Variants in LARS2 observed in about 807,000 individuals in gnomAD.
LARS2 encodes the protein leucyl-tRNA synthetase 2, mitochondrial.
In LARS2, 81 loss-of-function variants were observed where a neutral mutation model predicts 116.6. The observed-to-expected ratio is 0.69, with a 90% confidence interval of 0.58 to 0.84. LARS2 has a LOEUF of 0.84. Among genes scored for constraint, LARS2 ranks in the 40% least tolerant of loss-of-function variants. LARS2 has a pLI of 0.00. For missense variants in LARS2, 968 were observed against 1,114.5 expected (o/e 0.87, Z 1.87); for synonymous variants, 396 against 407.2 (o/e 0.97, Z 0.33).
intron 16 of LARS2, 25 bp downstream of exon 16, chr3:45,513,260 T>C: frequency 6.9e-7 from 1 of 1,456,530 alleles, no homozygotes. Flanking sequence ...TCTGGTCCCA[T>C]CCAGGTACTC....
intron 6 of LARS2, among the ~76,000 whole-genome samples, chr3:45,444,004 C>CTTT (rs11409535): frequency 1.4e-4 from 18 of 133,238 alleles, no homozygotes; most frequent in Non-Finnish European, 1.6e-4. Flanking sequence ...GATCTATCCT[C>CTTT]TTTTTTTTTT....
At chr3:45,524,549 T>C (rs1004233325) in intron 20 of LARS2, among the ~76,000 whole-genome samples, 1 of 152,226 alleles carries the variant, frequency 6.6e-6, no homozygotes, top group Non-Finnish European at 1.5e-5. Context: ...CCTGACTGCC[T>C]GCTTGAATTT....
At chr3:45,528,368 T>C (rs1423046756) in intron 20 of LARS2, among the ~76,000 whole-genome samples, 1 of 152,204 alleles carries the variant, frequency 6.6e-6, no homozygotes, top group Non-Finnish European at 1.5e-5. Flanking sequence ...ATGATTGTGT[T>C]CACTTACCTA....
intron 9 of LARS2, 96 bp downstream of exon 9, chr3:45,474,446 A>G: frequency 1.5e-6 from 1 of 660,864 alleles, no homozygotes; most frequent in East Asian, 2.7e-5. Context: ...ACTCCACAGC[A>G]CCACAGTCCA....
At position 45,544,304 on chromosome 3, in the gene LARS2, G is replaced by A. The variant is rs193096559; in HGVS notation, c.2532+2348G>A. Among the ~76,000 whole-genome samples the A allele has an allele frequency of 1.1e-3, 160 of 152,338 alleles. 1 individual carries two copies. The highest frequency in any genetic ancestry group is 3.5e-3 in the African/African-American group (145 of 41,568). Reference sequence around the variant, plus strand: ...TCACACACAGTTTATGTAAGGGCTCGGAAGTCAGGCCATCCTGGGTATAAG... The same window carrying A: ...TCACACACAGTTTATGTAAGGGCTCAGAAGTCAGGCCATCCTGGGTATAAG... On this transcript the variant is annotated intron_variant, in intron 21 of 21. Coordinates refer to ENST00000645846, the MANE Select transcript of LARS2 (RefSeq NM_015340.4).
rs138674108 is a variant in LARS2, at chr3:45,409,890, T to C, written c.364-7592T>C. On this transcript the variant is annotated intron_variant, in intron 4 of 21. Transcript: ENST00000645846. ...AAGAATCTGAAATATTAAGAAACTT[T>C]GAGATTTTTCTAACTTTATTTTCAT... 3.9e-5 allele frequency among the ~76,000 whole-genome samples: 6 copies of C among 152,372 alleles called. No homozygotes were observed. The East Asian group carries it at 9.6e-4, about 24-fold the overall frequency.
At chr3:45,435,364 C>T (rs961938870) in intron 6 of LARS2, among the ~76,000 whole-genome samples, 3 of 152,188 alleles carry the variant, frequency 2.0e-5, no homozygotes, top group Admixed American at 6.5e-5. Flanking sequence ...TCCTGTGACA[C>T]CACCCTGGTA....
chr3:45,438,901 A>G (rs1698854492), intron 6 of LARS2, among the ~76,000 whole-genome samples: 2 of 152,098 alleles, frequency 1.3e-5, no homozygotes, highest in Non-Finnish European at 2.9e-5. Flanking sequence ...TGGGAAGCCT[A>G]GAGCTGGATC....
chr3:45,471,645 A>C (rs899380916), intron 8 of LARS2, among the ~76,000 whole-genome samples: 5 of 152,232 alleles, frequency 3.3e-5, no homozygotes, highest in African/African-American at 9.6e-5. Flanking sequence ...TTTTCAGATC[A>C]TGTAATGTGG....
At chr3:45,490,814 A>C (rs1473716161) in intron 12 of LARS2, among the ~76,000 whole-genome samples, 1 of 152,202 alleles carries the variant, frequency 6.6e-6, no homozygotes, top group Non-Finnish European at 1.5e-5. Flanking sequence ...GGCTCAATTC[A>C]TATAATTAGT....
chr3:45,420,576 A>T (rs752071566), intron 6 of LARS2, among the ~76,000 whole-genome samples: 2 of 152,204 alleles, frequency 1.3e-5, no homozygotes, highest in African/African-American at 4.8e-5. Context: ...TTGAAATTTG[A>T]TGAGTACAGT....
intron 15 of LARS2, among the ~76,000 whole-genome samples, chr3:45,510,652 G>A (rs1034266886): frequency 6.6e-6 from 1 of 152,216 alleles, no homozygotes; most frequent in Admixed American, 6.5e-5. Flanking sequence ...AATGGCGTGA[G>A]TAAAGACGTG....
At position 45,436,447 on chromosome 3, in the gene LARS2, T is replaced by C. The variant is rs142592521; in HGVS notation, c.517-10444T>C. ...ATAACAAATTGCAACTCAAACCAAT[T>C]AATCTCATCTGTAGTTTAATGGAGG... On this transcript the variant is annotated intron_variant, in intron 6 of 21. Coordinates refer to ENST00000645846, the MANE Select transcript of LARS2 (RefSeq NM_015340.4). Among the ~76,000 whole-genome samples the C allele has an allele frequency of 1.4e-3, 215 of 152,246 alleles. 2 individuals carry two copies. The highest frequency in any genetic ancestry group is 4.7e-3 in the African/African-American group (195 of 41,552).
intron 4 of LARS2, among the ~76,000 whole-genome samples, chr3:45,403,112 C>CAAAA (rs1160287597): frequency 0.047 from 4,017 of 85,142 alleles, 137 homozygotes; most frequent in South Asian, 0.069. Context: ...TCTCCAAAGA[C>CAAAA]AAAAAAAAAA....
chr3:45,528,781 G>A (rs545226239), intron 20 of LARS2, among the ~76,000 whole-genome samples: 7 of 151,760 alleles, frequency 4.6e-5, no homozygotes, highest in Non-Finnish European at 1.0e-4. Flanking sequence ...TTGTTTTATT[G>A]TTAAGCGAGA....
intron 6 of LARS2, among the ~76,000 whole-genome samples, chr3:45,420,596 C>A (rs1426482146): frequency 6.6e-6 from 1 of 152,128 alleles, no homozygotes; most frequent in Non-Finnish European, 1.5e-5. Flanking sequence ...TGAAAAAGAA[C>A]AAAAGTCAAA....
At chr3:45,409,321 A>C (rs1411708850) in intron 4 of LARS2, among the ~76,000 whole-genome samples, 4 of 152,200 alleles carry the variant, frequency 2.6e-5, no homozygotes, top group African/African-American at 7.2e-5. Context: ...GAAAGAAAGG[A>C]ATTGGAATTC....
chr3:45,404,838 C>G (rs1008378884), intron 4 of LARS2, among the ~76,000 whole-genome samples: 25 of 152,100 alleles, frequency 1.6e-4, no homozygotes, highest in Non-Finnish European at 3.7e-4. Flanking sequence ...CAGCCTGCCT[C>G]GGCCTCTCAA....
At position 45,488,704 on chromosome 3, in the gene LARS2, C is replaced by T. The variant is rs144183054; in HGVS notation, c.1131C>T (p.Pro377=). The change falls in exon 12 of 22, where the codon CCC becomes CCT. Residue 377 remains proline, a synonymous_variant. Transcript: ENST00000645846. ...TTCTTCTCCTCTGAATAGGAATTCC[C>T]AGTACTAGCTCAGAGGACACCATCT... ...EGSLDSKIGI[P]STSSEDTILA... The T allele has an allele frequency of 3.1e-3, 4,972 of 1,601,306 alleles. 228 individuals carry two copies. The Admixed American group carries it at 0.076, about 25-fold the overall frequency.
Sources: allele counts gnomAD v4.1 joint callset (sites outside exome capture counted in the v4.1 genomes callset), GRCh38; gene constraint gnomAD v4.1.1; transcripts MANE v1.5; gene names NCBI Gene and HGNC (gene_info 2026-07-23, HGNC 2026-07-21).